JARID2: variants seen among roughly 807,000 people sequenced by gnomAD.
JARID2 encodes jumonji and AT-rich interaction domain containing 2, also known as protein Jumonji.
JARID2 carries 21 observed loss-of-function variants against 125.6 expected under a neutral mutation model. The observed-to-expected ratio is 0.17, with a 90% CI of 0.12 to 0.24. The LOEUF is 0.24. Among genes scored for constraint, JARID2 ranks in the 10% least tolerant of loss-of-function variants. JARID2 has a pLI of 1.00. For missense variants in JARID2, 1,303 were observed against 1,639.6 expected, an observed-to-expected ratio of 0.79 and a Z score of 3.55; for synonymous variants, 736 against 661.6, an observed-to-expected ratio of 1.11 and a Z score of -1.73.
At chr6:15,357,478 A>C (rs1489034803) in intron 1 of JARID2, among the ~76,000 whole-genome samples, 1 of 152,220 alleles carries the variant, frequency 6.6e-6, no homozygotes, top group East Asian at 1.9e-4. Context: ...CTGATACTCA[A>C]AATGGGTCTA....
chr6:15,473,213 C>G (rs1453754004), intron 5 of JARID2, among the ~76,000 whole-genome samples: 2 of 152,304 alleles, frequency 1.3e-5, no homozygotes, highest in East Asian at 3.9e-4. Context: ...ATGGAGTTAC[C>G]TTTTCTCTCC....
chr6:15,348,870 C>G (rs546925833), intron 1 of JARID2, among the ~76,000 whole-genome samples: 2 of 152,032 alleles, frequency 1.3e-5, no homozygotes, highest in Non-Finnish European at 2.9e-5. Context: ...GAGGTGGAGG[C>G]GGATGAATTA....
chr6:15,487,093 T>C (rs1280110299), intron 5 of JARID2, among the ~76,000 whole-genome samples: 1 of 151,982 alleles, frequency 6.6e-6, no homozygotes, highest in Non-Finnish European at 1.5e-5. Context: ...TTTTAAACCA[T>C]CAGATCTCAT....
intron 6 of JARID2, among the ~76,000 whole-genome samples, chr6:15,495,099 C>T (rs1770348509): frequency 6.6e-6 from 1 of 152,190 alleles, no homozygotes; most frequent in Non-Finnish European, 1.5e-5. Flanking sequence ...AGTGATGGGG[C>T]AGTGGCCACA....
intron 1 of JARID2, among the ~76,000 whole-genome samples, chr6:15,320,852 CTGTGTG>C (rs71944757): frequency 1.8e-4 from 26 of 145,408 alleles, no homozygotes; most frequent in East Asian, 6.1e-4. Flanking sequence ...CTCTCTCTCT[CTGTGTG>C]TGTGTGTGTG....
intron 1 of JARID2, among the ~76,000 whole-genome samples, chr6:15,277,318 C>T (rs994664891): frequency 2.6e-5 from 4 of 152,128 alleles, no homozygotes; most frequent in Non-Finnish European, 5.9e-5. Context: ...GAAACAGGGT[C>T]TTGCTATGTT....
intron 16 of JARID2, among the ~76,000 whole-genome samples, chr6:15,516,623 G>A (rs61662414): frequency 0.016 from 2,414 of 152,298 alleles, 64 homozygotes; most frequent in African/African-American, 0.055. Flanking sequence ...GTTGGACGCC[G>A]CTTGCTCTGT....
At chr6:15,273,930 CTTTT>C (rs71758457) in intron 1 of JARID2, among the ~76,000 whole-genome samples, 1 of 141,846 alleles carries the variant, frequency 7.0e-6, no homozygotes, top group African/African-American at 2.6e-5. Flanking sequence ...TTGTCTATAT[CTTTT>C]TTTTTTTTTT....
intron 5 of JARID2, among the ~76,000 whole-genome samples, chr6:15,469,173 A>C (rs945997488): frequency 6.6e-6 from 1 of 151,742 alleles, no homozygotes; most frequent in East Asian, 1.9e-4. Flanking sequence ...GGAGGAGGAT[A>C]AAAGGCAGGA....
At chr6:15,510,504 C>T (rs898852884) in intron 12 of JARID2, among the ~76,000 whole-genome samples, 1 of 152,164 alleles carries the variant, frequency 6.6e-6, no homozygotes, top group South Asian at 2.1e-4. Context: ...CTGTACCTCC[C>T]ACCTTTTCTT....
At chr6:15,409,979 C>A (rs1001465606) in intron 2 of JARID2, among the ~76,000 whole-genome samples, 4 of 152,198 alleles carry the variant, frequency 2.6e-5, no homozygotes, top group African/African-American at 9.7e-5. Flanking sequence ...TGTTACAGTT[C>A]CAAATTTCTG....
chr6:15,344,104 ATTTTTTTTTTTTTTT>A (rs58867061), intron 1 of JARID2, among the ~76,000 whole-genome samples: 2 of 89,196 alleles, frequency 2.2e-5, no homozygotes, highest in South Asian at 5.2e-4. Context: ...GTATGTAGTG[ATTTTTTTTTTTTTTT>A]TTTTTTTTTT....
At chr6:15,412,702 A>G (rs1012360094) in intron 3 of JARID2, among the ~76,000 whole-genome samples, 3 of 152,202 alleles carry the variant, frequency 2.0e-5, no homozygotes, top group Non-Finnish European at 4.4e-5. Context: ...GTCAGTATTT[A>G]GTGGGTTGGG....
intron 5 of JARID2, among the ~76,000 whole-genome samples, chr6:15,476,791 C>G (rs930603692): frequency 1.3e-5 from 2 of 152,130 alleles, no homozygotes; most frequent in African/African-American, 4.8e-5. Flanking sequence ...AACCAAATAA[C>G]ACAATCAGAA....
intron 1 of JARID2, among the ~76,000 whole-genome samples, chr6:15,273,843 GGT>G (rs1289348263): frequency 1.3e-5 from 2 of 151,942 alleles, no homozygotes; most frequent in African/African-American, 2.4e-5. Flanking sequence ...CCTAAAGATT[GGT>G]GTCATTCTTG....
At chr6:15,275,114 A>T (rs1182040510) in intron 1 of JARID2, among the ~76,000 whole-genome samples, 2 of 152,164 alleles carry the variant, frequency 1.3e-5, no homozygotes, top group African/African-American at 4.8e-5. Context: ...CCAGTGGAGA[A>T]GGTGTGTGGG....
rs1465586269 is a variant in JARID2, at chr6:15,520,157, C to A, written c.3647C>A (p.Pro1216Gln). The A allele has an allele frequency of 6.2e-7, 1 of 1,613,982 alleles. No homozygotes were observed. Among genetic ancestry groups the A allele is most frequent in the South Asian group, 1.1e-5 (1 of 91,062 alleles). Reference sequence around the variant, plus strand: ...GAGAACTGTCTCAGTAAACCCACACCAAAAAGAGGTCCCCGCAAGAGAGCG... The same window carrying A: ...GAGAACTGTCTCAGTAAACCCACACAAAAAAGAGGTCCCCGCAAGAGAGCG... ...SIENCLSKPT[P>Q]KRGPRKRATV... Residue 1216 changes from proline (P) to glutamine (Q), a missense_variant, in exon 18 of 18, where the codon CCA becomes CAA. By Grantham distance (76) the Pro-to-Gln change is moderately conservative (BLOSUM62 -1). Transcript: ENST00000341776.
At position 15,410,227 on chromosome 6, in the gene JARID2, T is replaced by G; in HGVS notation, c.185T>G (p.Leu62Arg). The change falls in exon 3 of 18, where the codon CTC becomes CGC. Residue 62 changes from leucine (L) to arginine (R), a missense_variant. Transcript: ENST00000341776. ...IAGSLKTVNGLLGNDQSKGLG... is the reference protein window; with the variant it reads ...IAGSLKTVNGRLGNDQSKGLG... Reference sequence around the variant, plus strand: ...TGTCCCCTTTTCTCACCTGTAGGGCTCCTTGGTAATGACCAGTCTAAGGGA... The same window carrying G: ...TGTCCCCTTTTCTCACCTGTAGGGCGCCTTGGTAATGACCAGTCTAAGGGA... 6.2e-7 allele frequency: 1 copy of G among 1,613,676 alleles called. No individual in the cohort carries two copies. Among genetic ancestry groups the G allele is most frequent in the Non-Finnish European group, 8.5e-7 (1 of 1,179,666 alleles).
At chr6:15,388,661 G>A (rs886927398) in intron 2 of JARID2, among the ~76,000 whole-genome samples, 7 of 149,976 alleles carry the variant, frequency 4.7e-5, no homozygotes, top group South Asian at 2.1e-4. Flanking sequence ...TTTTATATTC[G>A]CCAGTGACAT....
Sources: gnomAD v4.1 joint callset for allele counts (sites outside exome capture counted in the v4.1 genomes callset) on GRCh38, gnomAD v4.1.1 for gene constraint, MANE v1.5 for transcripts, NCBI Gene and HGNC (gene_info 2026-07-23, HGNC 2026-07-21) for gene names.